Variants in MGAM2 observed in about 807,000 individuals in gnomAD.
MGAM2 encodes probable maltase-glucoamylase 2.
Under a neutral mutation model 96.1 loss-of-function variants are expected in MGAM2, and 98 were observed. That is an observed-to-expected ratio of 1.02 (90% CI 0.87 to 1.21). The LOEUF (loss-of-function observed/expected upper bound fraction) is 1.21, where lower values mean the gene tolerates loss of function less well. Ranked by LOEUF, MGAM2 falls within the 50% of genes most tolerant of loss-of-function variation. The pLI is 0.00. For synonymous variants in MGAM2, 749 were observed against 414.8 expected (o/e 1.81, Z -9.79); for missense variants, 2,055 against 1,182.4 (o/e 1.74, Z -10.82).
intron 36 of MGAM2, among the ~76,000 whole-genome samples, chr7:142,188,618 C>T (rs1218940782): frequency 6.6e-6 from 1 of 152,132 alleles, no homozygotes; most frequent in Admixed American, 6.5e-5. Context: ...TAATTTAATG[C>T]AGGGGGTGTT....
intron 37 of MGAM2, among the ~76,000 whole-genome samples, chr7:142,193,599 C>T (rs1029243471): frequency 5.3e-5 from 8 of 152,150 alleles, no homozygotes; most frequent in African/African-American, 9.7e-5. Context: ...TCATAATATG[C>T]CCTGCTGCAT....
intron 8 of MGAM2, among the ~76,000 whole-genome samples, chr7:142,136,856 C>T (rs1795075652): frequency 6.6e-6 from 1 of 152,120 alleles, no homozygotes; most frequent in Non-Finnish European, 1.5e-5. Context: ...CAGGGGTCTT[C>T]TTTGGTATAA....
chr7:142,134,258 A>T (rs1794990656), intron 7 of MGAM2, 106 bp downstream of exon 7: 4 of 547,218 alleles, frequency 7.3e-6, no homozygotes, highest in Non-Finnish European at 1.3e-5. Flanking sequence ...CTCACTTTAG[A>T]TGTGTTAGTG....
intron 23 of MGAM2, 47 bp from the exon 24 acceptor site, chr7:142,164,809 G>C: frequency 1.6e-6 from 1 of 641,680 alleles, no homozygotes; most frequent in East Asian, 2.8e-5. Context: ...GGATAATAAG[G>C]GTCTGAAGTA....
chr7:142,157,210 A>AT (rs75390524), intron 17 of MGAM2, among the ~76,000 whole-genome samples: 3,470 of 151,582 alleles, frequency 0.023, 135 homozygotes, highest in African/African-American at 0.079. Flanking sequence ...AAGGCAATGG[A>AT]TTTTTTTTTA....
rs769371807 is a variant in MGAM2, at chr7:142,197,712, G to A, written c.4850G>A (p.Ser1617Asn). 4 of 702,810 alleles carry A rather than the reference G, an allele frequency of 5.7e-6. No homozygotes were observed. Among genetic ancestry groups the A allele is most frequent in the African/African-American group, 1.7e-5 (1 of 57,228 alleles). 43.5% of individuals were successfully genotyped at this position (702,810 alleles called of 1,614,324 possible). The change falls in exon 42 of 48, where the codon AGC becomes AAC. Residue 1617 changes from serine (S) to asparagine (N), a missense_variant. Ser to Asn is a conservative substitution (Grantham distance 46, BLOSUM62 1). Coordinates refer to ENST00000477922, the MANE Select transcript of MGAM2 (RefSeq NM_001293626.2). ...QFMLGPAILI[S>N]PVLETSTFEI... ...ATGTTGGGCCCTGCTATCTTAATCA[G>A]CCCTGTGTTGGAAACTGTGAGTTCT...
rs1202508980 is a variant in MGAM2, at chr7:142,199,892, T to G, written c.5061T>G (p.Phe1687Leu). The change falls in exon 45 of 48, where the codon TTT becomes TTG. Residue 1687 changes from phenylalanine (F) to leucine (L), a missense_variant. Phe to Leu is a conservative substitution (Grantham distance 22, BLOSUM62 0). Coordinates refer to ENST00000477922, the MANE Select transcript of MGAM2 (RefSeq NM_001293626.2). ...AMNTHSSRQN[F>L]MGLIVALDDN... ...TTTTTTTTGGTAGTCGACAAAATTTTATGGGATTGATTGTTGCTTTGGATG... is the reference window on the plus strand; with the variant it reads ...TTTTTTTTGGTAGTCGACAAAATTTGATGGGATTGATTGTTGCTTTGGATG... 2 of 684,124 alleles carry G rather than the reference T, an allele frequency of 2.9e-6. No individual in the cohort carries two copies. The highest frequency in any genetic ancestry group is 5.4e-5 in the East Asian group (2 of 37,048). The allele number at this position is 684,124 out of a possible 1,614,324, so 42.4% of individuals were successfully genotyped here.
chr7:142,210,228 A>G (rs990144196), intron 46 of MGAM2, among the ~76,000 whole-genome samples: 2 of 151,994 alleles, frequency 1.3e-5, no homozygotes, highest in Non-Finnish European at 2.9e-5. Context: ...AGGTGCCTAC[A>G]CCACCAGGAC....
At chr7:142,185,925 TC>T in intron 34 of MGAM2, 63 bp from the exon 35 acceptor site, 2 of 670,890 alleles carry the variant, frequency 3.0e-6, no homozygotes, top group Non-Finnish European at 5.5e-6. Context: ...CCTGTTCATC[TC>T]CCATTTGTGG....
chr7:142,201,577 A>G (rs1355572205), intron 45 of MGAM2, among the ~76,000 whole-genome samples: 1 of 152,176 alleles, frequency 6.6e-6, no homozygotes, highest in East Asian at 1.9e-4. Flanking sequence ...GATGTGGAAT[A>G]TTTTTATAAC....
At chr7:142,179,037 G>C (rs1043529891) in intron 32 of MGAM2, among the ~76,000 whole-genome samples, 3 of 151,938 alleles carry the variant, frequency 2.0e-5, no homozygotes, top group Non-Finnish European at 2.9e-5. Flanking sequence ...TCGTAAATGG[G>C]ATTGCATTCC....
At chr7:142,200,226 A>G (rs898275950) in intron 45 of MGAM2, among the ~76,000 whole-genome samples, 2 of 152,200 alleles carry the variant, frequency 1.3e-5, no homozygotes, top group Non-Finnish European at 2.9e-5. Flanking sequence ...TCTCTGTATA[A>G]CTGTCTCACT....
In MGAM2 at chr7:142,196,723, CT is replaced by C; in HGVS notation, c.4542del (p.Phe1514LeufsTer50). On this transcript the variant is annotated frameshift_variant, in exon 40 of 48. Coordinates refer to ENST00000477922, the MANE Select transcript of MGAM2 (RefSeq NM_001293626.2). LOFTEE classifies it high-confidence loss of function. ...PYTGADICGF[F>X]GDAEYEMCVR... ...AGACAGGAGCAGATATCTGTGGGTT[CT>C]TTGGAGATGCTGAATATGAGATGTG... 1 of 790,028 alleles carries C rather than the reference CT, an allele frequency of 1.3e-6. No homozygotes were observed. The highest frequency in any genetic ancestry group is 2.3e-6 in the Non-Finnish European group (1 of 426,664). 48.9% of individuals were successfully genotyped at this position (790,028 alleles called of 1,614,324 possible).
At chr7:142,184,806 C>T (rs571179108) in intron 33 of MGAM2, among the ~76,000 whole-genome samples, 10 of 152,074 alleles carry the variant, frequency 6.6e-5, no homozygotes, top group South Asian at 2.1e-4. Flanking sequence ...AGAAATCACT[C>T]GAAAGTTGGT....
intron 10 of MGAM2, among the ~76,000 whole-genome samples, chr7:142,140,306 C>G (rs1795182468): frequency 6.6e-6 from 1 of 152,142 alleles, no homozygotes; most frequent in Non-Finnish European, 1.5e-5. Flanking sequence ...AAAATGTGTG[C>G]ATGAGAGTTT....
intron 2 of MGAM2, among the ~76,000 whole-genome samples, 168 bp from the exon 3 acceptor site, chr7:142,120,134 T>C (rs1016957360): frequency 5.9e-5 from 9 of 152,200 alleles, no homozygotes; most frequent in African/African-American, 1.4e-4. Context: ...TGTGCAAATA[T>C]AGATACCAGT....
intron 2 of MGAM2, 58 bp downstream of exon 2, chr7:142,117,037 A>G (rs1817432039): frequency 1.4e-6 from 1 of 701,354 alleles, no homozygotes; most frequent in Non-Finnish European, 2.6e-6. Context: ...TGTAAACGCC[A>G]AAGAGATTAT....
intron 1 of MGAM2, among the ~76,000 whole-genome samples, chr7:142,114,514 T>C (rs930571331): frequency 6.6e-6 from 1 of 152,160 alleles, no homozygotes; most frequent in African/African-American, 2.4e-5. Flanking sequence ...AAAAAGAATG[T>C]TATTATGCTA....
chr7:142,184,430 T>TC (rs1796635000), intron 33 of MGAM2, among the ~76,000 whole-genome samples: 1 of 152,244 alleles, frequency 6.6e-6, no homozygotes, highest in African/African-American at 2.4e-5. Context: ...GCATACAGTG[T>TC]AGCATTTATG....
Sources: allele counts gnomAD v4.1 joint callset (sites outside exome capture counted in the v4.1 genomes callset), GRCh38; gene constraint gnomAD v4.1.1; transcripts MANE v1.5; gene names NCBI Gene and HGNC (gene_info 2026-07-23, HGNC 2026-07-21).